Variants in PNPT1 observed in about 807,000 individuals in gnomAD.
The protein encoded by PNPT1 is polyribonucleotide nucleotidyltransferase 1, mitochondrial.
A neutral mutation model predicts 119.5 loss-of-function variants in PNPT1; 53 were observed. That is an observed-to-expected ratio of 0.44 (90% CI 0.36 to 0.56). PNPT1 has a LOEUF of 0.56. Ranked by LOEUF, PNPT1 falls within the 20% of genes least tolerant of loss-of-function variation. The pLI, the probability that PNPT1 is intolerant of heterozygous loss-of-function variation, is 0.00. For missense variants in PNPT1, 948 were observed against 938.5 expected (o/e 1.01, Z -0.13); for synonymous variants, 357 against 322.1 (o/e 1.11, Z -1.16).
chr2:55,690,267 G>A (rs556962024), intron 1 of PNPT1, among the ~76,000 whole-genome samples: 4 of 152,340 alleles, frequency 2.6e-5, no homozygotes, highest in African/African-American at 9.6e-5. Context: ...TCTTGAAACA[G>A]ACCAGCAAAA....
rs771621303 is a variant in PNPT1 at position 55,646,319 on chromosome 2, C to T, written c.1678G>A (p.Asp560Asn). The change falls in exon 21 of 28, where the codon GAT becomes AAT. Residue 560 changes from aspartate (D) to asparagine (N), a missense_variant. Asp to Asn is a conservative substitution (Grantham distance 23). Coordinates refer to ENST00000447944, the MANE Select transcript of PNPT1 (RefSeq NM_033109.5). ...ATTGGTATTCCAGGTAATTTAATAT[C>T]AGCCTAATATGGAAAAGTCAAACAA... Reference protein sequence around the residue: ...TNKGITALQADIKLPGIPIKI... With the variant: ...TNKGITALQANIKLPGIPIKI... 6 of 1,611,680 alleles carry T rather than the reference C, an allele frequency of 3.7e-6. No homozygotes were observed. Among genetic ancestry groups the T allele is most frequent in the Non-Finnish European group, 5.1e-6 (6 of 1,178,448 alleles).
At chr2:55,641,456 A>T (rs1695832119) in intron 25 of PNPT1, among the ~76,000 whole-genome samples, 1 of 151,656 alleles carries the variant, frequency 6.6e-6, no homozygotes, top group South Asian at 2.1e-4. Flanking sequence ...TTTAGTAGAG[A>T]TGGGGTTTCA....
At chr2:55,680,069 C>T (rs1029048425) in intron 7 of PNPT1, among the ~76,000 whole-genome samples, 13 of 152,266 alleles carry the variant, frequency 8.5e-5, no homozygotes, top group African/African-American at 2.4e-4. Context: ...TTCTCTCTAA[C>T]GCAAATGCTT....
chr2:55,678,540 T>C (rs902521412), intron 8 of PNPT1, among the ~76,000 whole-genome samples: 1 of 152,216 alleles, frequency 6.6e-6, no homozygotes, highest in Admixed American at 6.5e-5. Context: ...CCTTCTTTTT[T>C]CTTCCTCCTG....
Position 55,654,952 on chromosome 2 carries a change from C to A in PNPT1, c.1443G>T (p.Gly481=), listed in dbSNP as rs750140081. The change falls in exon 18 of 28, where the codon GGG becomes GGT. Residue 481 remains glycine, a splice_region_variant and synonymous_variant. Coordinates refer to ENST00000447944, the MANE Select transcript of PNPT1 (RefSeq NM_033109.5). The part of the protein sequence containing the change: ...RVTSEVLESN[G]SSSMASACGG... ...CACATGCAGATGCCATAGAAGATGA[C>A]CCTATAGAAAGAAAAATAACTGCTT... 5 of 1,611,622 alleles carry A rather than the reference C, an allele frequency of 3.1e-6. No individual in the cohort carries two copies. Among genetic ancestry groups the A allele is most frequent in the Middle Eastern group, 1.7e-4 (1 of 6,050 alleles).
At chr2:55,656,804 T>G (rs898093701) in intron 15 of PNPT1, among the ~76,000 whole-genome samples, 1 of 152,234 alleles carries the variant, frequency 6.6e-6, no homozygotes, top group African/African-American at 2.4e-5. Flanking sequence ...GTTATCTCTC[T>G]CCACTAACTT....
chr2:55,644,209 T>G (rs188009140), intron 23 of PNPT1, among the ~76,000 whole-genome samples: 31 of 152,260 alleles, frequency 2.0e-4, no homozygotes, highest in African/African-American at 7.0e-4. Flanking sequence ...CCTCAAACCT[T>G]GAAGTACGAG....
At chr2:55,692,714 G>A (rs563802953) in intron 1 of PNPT1, among the ~76,000 whole-genome samples, 4 of 152,236 alleles carry the variant, frequency 2.6e-5, no homozygotes, top group South Asian at 4.2e-4. Context: ...AAGATTGCGA[G>A]GATCATATAA....
chr2:55,636,042 G>C lies in PNPT1; in HGVS notation c.*195C>G. On this transcript the variant is annotated 3_prime_UTR_variant, in exon 28 of 28. Transcript: ENST00000447944. ...TAATAAATATTTCTTGATTTATAATGTAAATACAATTAAACAAATATGGGT... is the reference window on the plus strand; with the variant it reads ...TAATAAATATTTCTTGATTTATAATCTAAATACAATTAAACAAATATGGGT... The C allele has an allele frequency of 3.0e-6, 1 of 333,564 alleles. No homozygotes were observed. The highest frequency in any genetic ancestry group is 4.7e-5 in the Admixed American group (1 of 21,436). 20.7% of individuals were successfully genotyped at this position (333,564 alleles called of 1,614,324 possible).
At chr2:55,650,950 G>T (rs1278223915) in intron 18 of PNPT1, among the ~76,000 whole-genome samples, 1 of 146,314 alleles carries the variant, frequency 6.8e-6, no homozygotes, top group African/African-American at 2.5e-5. Flanking sequence ...GAGGTGGGGG[G>T]ATCAGCCCCC....
At chr2:55,639,872 T>C (rs778156696) in intron 26 of PNPT1, among the ~76,000 whole-genome samples, 6 of 152,192 alleles carry the variant, frequency 3.9e-5, no homozygotes, top group Non-Finnish European at 7.3e-5. Flanking sequence ...GATTATCTTT[T>C]CCTACCACCT....
intron 18 of PNPT1, among the ~76,000 whole-genome samples, chr2:55,650,579 G>GAGGA (rs1696145058): frequency 6.6e-6 from 1 of 152,138 alleles, no homozygotes; most frequent in Non-Finnish European, 1.5e-5. Flanking sequence ...TCTAGGAAGT[G>GAGGA]AGGAGCGCCT....
chr2:55,687,993 ATT>A (rs139811313), intron 1 of PNPT1, among the ~76,000 whole-genome samples: 1 of 145,014 alleles, frequency 6.9e-6, no homozygotes, highest in African/African-American at 2.5e-5. Context: ...TGTACCATCT[ATT>A]TTTTTTTTGA....
At chr2:55,647,930 T>C (rs1337852533) in intron 18 of PNPT1, among the ~76,000 whole-genome samples, 1 of 152,234 alleles carries the variant, frequency 6.6e-6, no homozygotes, top group East Asian at 1.9e-4. Context: ...TTTTTGAACA[T>C]ATAATAAAGT....
At chr2:55,637,164 C>A (rs938361185) in intron 27 of PNPT1, among the ~76,000 whole-genome samples, 1 of 152,182 alleles carries the variant, frequency 6.6e-6, no homozygotes. Context: ...ATGGCTCTTA[C>A]CAAGCTCAAA....
At position 55,643,414 on chromosome 2, in the gene PNPT1, TAATAGTTAC is replaced by T. The variant is rs756564975; in HGVS notation, c.1909_1917del (p.Val637_Ile639del). 1 of 1,613,792 alleles carries T rather than the reference TAATAGTTAC, an allele frequency of 6.2e-7. No homozygotes were observed. Among genetic ancestry groups the T allele is most frequent in the African/African-American group, 1.3e-5 (1 of 75,030 alleles). On this transcript the variant is annotated inframe_deletion and splice_region_variant, in exon 24 of 28. Transcript: ENST00000447944. The stretch of plus-strand genomic sequence containing the variant: ...GAAAACGTTTCTTCATCCACCTGAC[TAATAGTTAC>T]ACCTTTTAAAAACAAAATGTAACAT...
At chr2:55,682,104 C>G (rs1018799701) in intron 5 of PNPT1, among the ~76,000 whole-genome samples, 1 of 149,764 alleles carries the variant, frequency 6.7e-6, no homozygotes, top group African/African-American at 2.5e-5. Flanking sequence ...GATCGCGCCA[C>G]TGTACTCCAG....
chr2:55,692,818 T>G (rs1472568094), intron 1 of PNPT1, among the ~76,000 whole-genome samples: 1 of 152,154 alleles, frequency 6.6e-6, no homozygotes, highest in Admixed American at 6.5e-5. Flanking sequence ...TGACATGATA[T>G]CTTGTACTCC....
chr2:55,639,094 T>A (rs1695763048), intron 26 of PNPT1, among the ~76,000 whole-genome samples: 2 of 152,156 alleles, frequency 1.3e-5, no homozygotes, highest in African/African-American at 4.8e-5. Flanking sequence ...TCTTTTCATA[T>A]CAATAAATTA....
Sources: gnomAD v4.1 joint callset for allele counts (sites outside exome capture counted in the v4.1 genomes callset) on GRCh38, gnomAD v4.1.1 for gene constraint, MANE v1.5 for transcripts, NCBI Gene and HGNC (gene_info 2026-07-23, HGNC 2026-07-21) for gene names.